The following HSPG2 variants were observed in gnomAD, a reference collection of about 807,000 sequenced individuals.
HSPG2 encodes the protein basement membrane-specific heparan sulfate proteoglycan core protein.
In HSPG2, 278 loss-of-function variants were observed where a neutral mutation model predicts 526.6. The ratio of observed to expected loss-of-function variants is 0.53; its 90% CI spans 0.48 to 0.58. The LOEUF (loss-of-function observed/expected upper bound fraction) is 0.58. HSPG2 is among the 20% of genes least tolerant of loss of function. HSPG2 has a pLI of 0.00. For missense variants in HSPG2, 5,354 were observed against 6,099.5 expected, an observed-to-expected ratio of 0.88 and a Z score of 4.07; for synonymous variants, 2,465 against 2,555.4, an observed-to-expected ratio of 0.96 and a Z score of 1.07.
chr1:21,859,087 G>A lies in HSPG2; in HGVS notation c.5293+479C>T, dbSNP rs1042212361. Among the ~76,000 whole-genome samples, 3 of 152,086 alleles carry A rather than the reference G, an allele frequency of 2.0e-5. No individual in the cohort carries two copies. The highest frequency in any genetic ancestry group is 1.9e-4 in the East Asian group (1 of 5,166). ...TTTTAAGACAGAGTCTTGCTCTGTT[G>A]CCCAGGCTGGAGTGCAGTGGCGCAA... On this transcript the variant is annotated intron_variant, in intron 42 of 96. Coordinates refer to ENST00000374695, the MANE Select transcript of HSPG2 (RefSeq NM_005529.7). This position sits in a 1 kb window ranked among gnomAD's most constrained non-coding sequence, Gnocchi z 5.3.
intron 3 of HSPG2, among the ~76,000 whole-genome samples, chr1:21,894,512 C>T (rs1642606502): frequency 6.6e-6 from 1 of 152,170 alleles, no homozygotes; most frequent in African/African-American, 2.4e-5. Context: ...GAGGCCCCAC[C>T]TGTTCCCACT....
rs370324025 is a variant in HSPG2, at chr1:21,922,858, G to A, written c.63+14297C>T. Reference sequence around the variant, plus strand: ...CTAGCCATCCCAGTACCCCCTCCTCGACCCCTACCAGGGAGGTGGGAAGCC... The same window carrying A: ...CTAGCCATCCCAGTACCCCCTCCTCAACCCCTACCAGGGAGGTGGGAAGCC... On this transcript the variant is annotated intron_variant, in intron 1 of 96. Coordinates refer to ENST00000374695, the MANE Select transcript of HSPG2 (RefSeq NM_005529.7). Among the ~76,000 whole-genome samples, 11 of 152,164 alleles carry A rather than the reference G, an allele frequency of 7.2e-5. No homozygotes were observed. The East Asian group carries it at 9.7e-4, about 13-fold the overall frequency.
intron 44 of HSPG2, 128 bp from the exon 45 acceptor site, chr1:21,856,040 A>T (rs1355694123): frequency 7.7e-7 from 1 of 1,305,742 alleles, no homozygotes; most frequent in Non-Finnish European, 1.1e-6. Context: ...CACAGGAGCC[A>T]GAGGGAGCTT....
intron 1 of HSPG2, among the ~76,000 whole-genome samples, chr1:21,896,648 G>T (rs925215759): frequency 6.6e-6 from 1 of 152,184 alleles, no homozygotes. Flanking sequence ...TGAGTGGATG[G>T]GGGGATGCGG....
rs1415144189 is a variant in HSPG2, at chr1:21,852,327, C to G, written c.6725-94G>C. 4 of 1,498,240 alleles carry G rather than the reference C, an allele frequency of 2.7e-6. No homozygotes were observed. In the African/African-American group the frequency reaches 5.5e-5, roughly 21 times the overall value. The allele number at this position is 1,498,240 out of a possible 1,614,324, so 92.8% of individuals were successfully genotyped here. On this transcript the variant is annotated intron_variant, in intron 52 of 96. Transcript: ENST00000374695. ...CTGCAGCTAGCTCAGCCCAGGGTTT[C>G]AAGGCCAGATCCAGCTTTTCAGGCA... is the stretch of plus-strand genomic sequence containing the variant.
intron 85 of HSPG2, chr1:21,830,714 A>AATT: frequency 3.7e-6 from 1 of 270,390 alleles, no homozygotes. Context: ...AAAAAAAAAG[A>AATT]TGGGCTGGGG....
intron 56 of HSPG2, 64 bp downstream of exon 56, chr1:21,850,299 G>A (rs1032028723): frequency 4.7e-5 from 75 of 1,606,370 alleles, no homozygotes; most frequent in Admixed American, 1.4e-4. Context: ...TGATCCTGCC[G>A]TTGCAAGAGT....
At chr1:21,878,124 C>T in intron 21 of HSPG2, 62 bp downstream of exon 21, 1 of 1,471,576 alleles carries the variant, frequency 6.8e-7, no homozygotes, top group Non-Finnish European at 9.5e-7. Context: ...CTTCCTTCTT[C>T]CTCCTCCCAG....
At chr1:21,863,060 CAAAAAAAAAAAAAAA>C (rs60890297) in intron 37 of HSPG2, among the ~76,000 whole-genome samples, 2 of 31,232 alleles carry the variant, frequency 6.4e-5, no homozygotes, top group Non-Finnish European at 1.1e-4. Context: ...GACTCCATCT[CAAAAAAAAAAAAAAA>C]AAAAAAAAAA....
chr1:21,909,947 C>A (rs368671450), intron 1 of HSPG2, among the ~76,000 whole-genome samples: 5 of 152,242 alleles, frequency 3.3e-5, no homozygotes, highest in Non-Finnish European at 5.9e-5. Flanking sequence ...AGGCTCCCCC[C>A]TCAGCTGCAC....
At chr1:21,841,916 A>G (rs2098050111) in intron 69 of HSPG2, 86 bp downstream of exon 69, 1 of 1,562,070 alleles carries the variant, frequency 6.4e-7, no homozygotes, top group East Asian at 2.2e-5. Context: ...GGGCGTCCAG[A>G]CTTCTGCCCC....
intron 55 of HSPG2, chr1:21,851,183 G>A (rs964877221): frequency 9.1e-6 from 3 of 330,860 alleles, no homozygotes; most frequent in Admixed American, 4.5e-5. Context: ...ATACTGGCCA[G>A]GCTGGTCTCG....
In HSPG2 at chr1:21,864,766, C is replaced by T. The variant is rs1329924792; in HGVS notation, c.4626+77G>A. The T allele has an allele frequency of 1.7e-6, 2 of 1,210,912 alleles. No homozygotes were observed. The highest frequency in any genetic ancestry group is 1.5e-5 in the African/African-American group (1 of 66,764). The allele number at this position is 1,210,912 out of a possible 1,614,324, so 75.0% of individuals were successfully genotyped here. A position where few individuals can be genotyped will look rare whatever the true frequency, so the allele number is the denominator to read the frequency against. ...ATTATAGTTATGATGGTAATCAAGG[C>T]TGCGGCGACGCCGGCTGATTTGCTT... On this transcript the variant is annotated intron_variant, in intron 36 of 96. Coordinates refer to ENST00000374695, the MANE Select transcript of HSPG2 (RefSeq NM_005529.7). This position sits in a 1 kb window ranked among gnomAD's most constrained non-coding sequence, Gnocchi z 4.8.
chr1:21,846,794 G>A (rs922488135), intron 62 of HSPG2, among the ~76,000 whole-genome samples, 195 bp from the exon 63 acceptor site: 1 of 152,210 alleles, frequency 6.6e-6, no homozygotes, highest in Non-Finnish European at 1.5e-5. Context: ...GAGGTCAGGA[G>A]TTTGAGACTA....
At position 21,878,450 on chromosome 1, in the gene HSPG2, C is replaced by T. The variant is rs760945956; in HGVS notation, c.2600G>A (p.Gly867Glu). 5 of 1,607,726 alleles carry T rather than the reference C, an allele frequency of 3.1e-6. No homozygotes were observed. Among genetic ancestry groups the T allele is most frequent in the Non-Finnish European group, 3.4e-6 (4 of 1,176,304 alleles). ...ATACTCACTGACGGGCCTGCACTTC[C>T]CGCCGGGCTGGATGGGGTTGCCCTC... ...GYEGNPIQPG[G>E]KCRPVNQEIV... The change falls in exon 20 of 97, where the codon GGG becomes GAG. Residue 867 changes from glycine to glutamate, a missense_variant. Coordinates refer to ENST00000374695, the MANE Select transcript of HSPG2 (RefSeq NM_005529.7).
At position 21,833,468 on chromosome 1, in the gene HSPG2, T is replaced by C. The variant is rs1299966761; in HGVS notation, c.10977A>G (p.Pro3659=). 2 of 1,614,152 alleles carry C rather than the reference T, an allele frequency of 1.2e-6. No individual in the cohort carries two copies. The highest frequency in any genetic ancestry group is 1.7e-6 in the Non-Finnish European group (2 of 1,180,006). ...CAATTCTTAGGGGTGGTGTCTTACC[T>C]GGCACCTGCAGGTGGGCAAAGGCTT... is the stretch of plus-strand genomic sequence containing the variant. ...KVKAFAHLQV[P]ERVVPYFTQT... The change falls in exon 79 of 97, where the codon CCA becomes CCG. Residue 3659 remains proline (P), a splice_region_variant and synonymous_variant. Transcript: ENST00000374695.
chr1:21,860,992 G>A (rs1572262205), intron 39 of HSPG2, among the ~76,000 whole-genome samples: 1 of 152,226 alleles, frequency 6.6e-6, no homozygotes, highest in East Asian at 1.9e-4. Context: ...GAGAGCCAGG[G>A]AGGCTTCCAA....
chr1:21,887,600 T>C lies in HSPG2; in HGVS notation c.778A>G (p.Thr260Ala). Residue 260 changes from threonine to alanine, a missense_variant, in exon 8 of 97, where the codon ACA becomes GCA. Coordinates refer to ENST00000374695, the MANE Select transcript of HSPG2 (RefSeq NM_005529.7). The surrounding 1 kb of genome is among the most constrained non-coding windows in gnomAD (Gnocchi z 5.0). Reference protein sequence around the residue: ...ETTSLPPRPETTIMRQPPVTH... With the variant: ...ETTSLPPRPEATIMRQPPVTH... ...ACTGGTGGCTGTCGCATGATGGTTG[T>C]CTCTGGCCGGGGCGGTAAAGATGTC... is the stretch of plus-strand genomic sequence containing the variant. The C allele has an allele frequency of 6.2e-7, 1 of 1,614,020 alleles. No individual in the cohort carries two copies. The highest frequency in any genetic ancestry group is 8.5e-7 in the Non-Finnish European group (1 of 1,179,994).
Position 21,850,451 on chromosome 1 carries a change from C to A in HSPG2, c.7206G>T (p.Ser2402=). 6.2e-7 allele frequency: 1 copy of A among 1,612,266 alleles called. No individual in the cohort carries two copies. Among genetic ancestry groups the A allele is most frequent in the African/African-American group, 1.3e-5 (1 of 75,030 alleles). The change falls in exon 56 of 97, where the codon TCG becomes TCT. Residue 2402 remains serine, a synonymous_variant. Transcript: ENST00000374695. ...CCAACACTCGGCACACGTACTCGCC[C>A]GAGTCGGCGGGGGACGCTTGGTAGA... ...LRLYQASPAD[S]GEYVCRVLGS... is the part of the protein sequence containing the mutation.
Sources: gnomAD v4.1 joint callset for allele counts (sites outside exome capture counted in the v4.1 genomes callset) on GRCh38, gnomAD v4.1.1 for gene constraint, Gnocchi (gnomAD v3.1) non-coding constraint, MANE v1.5 for transcripts, NCBI Gene and HGNC (gene_info 2026-07-23, HGNC 2026-07-21) for gene names.